The following HYDIN variants were observed in gnomAD, a reference collection of about 807,000 sequenced individuals.
The protein encoded by HYDIN is HYDIN axonemal central pair apparatus protein, also known as axonemal central pair apparatus protein HYDIN.
Under a neutral mutation model 403.9 loss-of-function variants are expected in HYDIN, and 132 were observed. The observed-to-expected ratio is 0.33, with a 90% confidence interval of 0.28 to 0.38. The LOEUF is 0.38. HYDIN is among the 10% of genes least tolerant of loss of function. The probability of loss-of-function intolerance (pLI) is 1.00; values close to 1 mark genes in which losing one functional copy is unlikely to be tolerated. For synonymous variants in HYDIN, 1,202 were observed against 1,891.7 expected, an observed-to-expected ratio of 0.64 and a Z score of 9.46; for missense variants, 2,827 against 5,009.5, an observed-to-expected ratio of 0.56 and a Z score of 13.15.
rs1239951263 is a variant in HYDIN, at chr16:70,803,732, G to A, written c.*3848C>T. On this transcript the variant is annotated 3_prime_UTR_variant, in exon 86 of 86. Coordinates refer to ENST00000393567, the MANE Select transcript of HYDIN (RefSeq NM_001270974.2). Reference sequence around the variant, plus strand: ...GAGTTTCAGGGCAACAGGGTTTAAGGTATTAGGTAGAGGTCTTGAAATGTA... The same window carrying A: ...GAGTTTCAGGGCAACAGGGTTTAAGATATTAGGTAGAGGTCTTGAAATGTA... Among the ~76,000 whole-genome samples, 5 of 152,176 alleles carry A rather than the reference G, an allele frequency of 3.3e-5. No individual in the cohort carries two copies. Among genetic ancestry groups the A allele is most frequent in the Non-Finnish European group, 7.3e-5 (5 of 68,030 alleles).
chr16:71,005,375 C>A (rs781618259), intron 23 of HYDIN, among the ~76,000 whole-genome samples: 113 of 152,050 alleles, frequency 7.4e-4, no homozygotes, highest in Non-Finnish European at 1.5e-3. Context: ...GGAATTAGTG[C>A]CCTTATAAGA....
At position 70,920,666 on chromosome 16, in the gene HYDIN, G is replaced by A. The variant is rs1393034040; in HGVS notation, c.7710C>T (p.Asp2570=). 23 of 1,613,746 alleles carry A rather than the reference G, an allele frequency of 1.4e-5. No individual in the cohort carries two copies. The highest frequency in any genetic ancestry group is 8.9e-5 in the East Asian group (4 of 44,888). Residue 2570 remains aspartate (D), a synonymous_variant, in exon 46 of 86, where the codon GAC becomes GAT. Transcript: ENST00000393567. ...AGCCTTCAAAGTCTGGTGTCTGGAT[G>A]TCTAGGAAGGGTACGCCCAGGTCCT... ...KEKDLGVPFL[D]IQTPDFEGLS... is the part of the protein sequence containing the mutation.
chr16:70,917,197 C>T (rs2076866624), intron 47 of HYDIN, among the ~76,000 whole-genome samples: 2 of 152,270 alleles, frequency 1.3e-5, no homozygotes, highest in Admixed American at 6.5e-5. Flanking sequence ...GTGGGGATTA[C>T]AGGCCTGAGC....
At chr16:71,115,357 C>G (rs1406090965) in intron 10 of HYDIN, among the ~76,000 whole-genome samples, 1 of 152,164 alleles carries the variant, frequency 6.6e-6, no homozygotes, top group African/African-American at 2.4e-5. Flanking sequence ...TGAGGTCTCC[C>G]CAGTCGTGCT....
Position 70,922,987 on chromosome 16 carries a change from T to C in HYDIN, c.7159-1770A>G, listed in dbSNP as rs1486848872. On this transcript the variant is annotated intron_variant, in intron 45 of 85. Transcript: ENST00000393567. ...TTTGCCATGTTGCCCAGGCTGGTCT[T>C]GAACCCCTGAGTTCAAGTGATCTGC... 8.5e-5 allele frequency among the ~76,000 whole-genome samples: 13 copies of C among 152,102 alleles called. No homozygotes were observed. The East Asian group carries it at 2.5e-3, about 30-fold the overall frequency.
In HYDIN at chr16:70,804,288, A is replaced by G. The variant is rs2035013930; in HGVS notation, c.*3292T>C. Among the ~76,000 whole-genome samples the G allele has an allele frequency of 6.6e-6, 1 of 152,226 alleles. No homozygotes were observed. The highest frequency in any genetic ancestry group is 2.1e-4 in the South Asian group (1 of 4,834). On this transcript the variant is annotated 3_prime_UTR_variant, in exon 86 of 86. Transcript: ENST00000393567. ...CTAGACTCAGTGGTGTTATAGGACC[A>G]ACACGTTTGTGTGCCCACTGTGCAG...
intron 27 of HYDIN, among the ~76,000 whole-genome samples, chr16:70,986,760 TAA>T: frequency 1.6e-5 from 2 of 128,278 alleles, no homozygotes; most frequent in Non-Finnish European, 3.2e-5. Context: ...AAGTAAAAGA[TAA>T]CCCTAGAAGG....
Position 71,069,344 on chromosome 16 carries a change from A to G in HYDIN, c.1897T>C (p.Ser633Pro), listed in dbSNP as rs1294170961. Reference sequence around the variant, plus strand: ...GTGAATTCTTTTGGTTTCATTGAGGATATTTCTTCCTTGGTCCAAGATGGT... The same window carrying G: ...GTGAATTCTTTTGGTTTCATTGAGGGTATTTCTTCCTTGGTCCAAGATGGT... ...KRPSWTKEEI[S>P]SMKPKEFTIS... is the part of the protein sequence containing the mutation. The change falls in exon 14 of 86, where the codon TCC becomes CCC. Residue 633 changes from serine (S) to proline (P), a missense_variant. Transcript: ENST00000393567. 12 of 1,613,898 alleles carry G rather than the reference A, an allele frequency of 7.4e-6. No individual in the cohort carries two copies. Among genetic ancestry groups the G allele is most frequent in the Non-Finnish European group, 7.6e-6 (9 of 1,180,008 alleles).
intron 23 of HYDIN, among the ~76,000 whole-genome samples, chr16:71,005,726 AG>A (rs1488203473): frequency 6.6e-6 from 1 of 151,174 alleles, no homozygotes; most frequent in Non-Finnish European, 1.5e-5. Context: ...CCTTGGAGGA[AG>A]CCCAGGAACT....
chr16:71,049,798 G>GATTTGTAAT (rs1169976609), intron 18 of HYDIN, among the ~76,000 whole-genome samples: 37 of 145,304 alleles, frequency 2.5e-4, no homozygotes, highest in African/African-American at 8.7e-4. Context: ...TACAAATCTT[G>GATTTGTAAT]GAATTGAAAA....
At chr16:71,094,761 C>T (rs1229031340) in intron 10 of HYDIN, among the ~76,000 whole-genome samples, 7 of 152,234 alleles carry the variant, frequency 4.6e-5, no homozygotes, top group African/African-American at 1.7e-4. Context: ...TGTCCCAGCT[C>T]TCAGAGACAA....
intron 14 of HYDIN, among the ~76,000 whole-genome samples, chr16:71,068,104 G>A (rs1360035796): frequency 6.7e-6 from 1 of 148,256 alleles, no homozygotes; most frequent in East Asian, 2.0e-4. Context: ...GGCTCTTGGG[G>A]GGCTCAGAAC....
In HYDIN at chr16:71,066,748, G is replaced by C. The variant is rs531514030; in HGVS notation, c.2075+542C>G. 857 of 382,304 alleles carry C rather than the reference G, an allele frequency of 2.2e-3. 5 individuals carry two copies. Among genetic ancestry groups the C allele is most frequent in the Middle Eastern group, 9.7e-3 (14 of 1,446 alleles). The allele number at this position is 382,304 out of a possible 1,614,324, so 23.7% of individuals were successfully genotyped here. A position where few individuals can be genotyped will look rare whatever the true frequency, so the allele number is the denominator to read the frequency against. Reference sequence around the variant, plus strand: ...TTAACCCAGCTGCCTCTCTCAAAAAGAGAGAGGAGTTGGAGATGGTTCTGA... The same window carrying C: ...TTAACCCAGCTGCCTCTCTCAAAAACAGAGAGGAGTTGGAGATGGTTCTGA... On this transcript the variant is annotated intron_variant, in intron 15 of 85. Transcript: ENST00000393567.
At chr16:71,117,575 G>A (rs532713795) in intron 9 of HYDIN, among the ~76,000 whole-genome samples, 47 of 152,146 alleles carry the variant, frequency 3.1e-4, no homozygotes, top group Non-Finnish European at 4.6e-4. Context: ...TATGATTTTT[G>A]TAAATAGGGC....
chr16:70,945,954 G>A (rs1220359717), intron 41 of HYDIN, among the ~76,000 whole-genome samples: 5 of 152,200 alleles, frequency 3.3e-5, no homozygotes, highest in Non-Finnish European at 7.3e-5. Flanking sequence ...AACAGCAGAG[G>A]AGGGGAGCTG....
intron 71 of HYDIN, among the ~76,000 whole-genome samples, chr16:70,859,284 G>C (rs2039251225): frequency 6.6e-6 from 1 of 151,986 alleles, no homozygotes; most frequent in African/African-American, 2.4e-5. Context: ...CTGGGGGACA[G>C]AGCAAGACTC....
intron 83 of HYDIN, among the ~76,000 whole-genome samples, chr16:70,820,187 CTTT>C (rs57769826): frequency 1.1e-5 from 1 of 91,834 alleles, no homozygotes; most frequent in Admixed American, 1.3e-4. Flanking sequence ...TTTCTTTTTT[CTTT>C]TTTTTTTTTT....
At chr16:70,905,639 A>G (rs9932155) in intron 50 of HYDIN, among the ~76,000 whole-genome samples, 97 of 145,850 alleles carry the variant, frequency 6.7e-4, no homozygotes, top group Middle Eastern at 3.4e-3. Flanking sequence ...TCTTAAAAAA[A>G]AAAAAAAAAA....
At chr16:70,972,587 A>C (rs1249609502) in intron 35 of HYDIN, among the ~76,000 whole-genome samples, 2 of 146,256 alleles carry the variant, frequency 1.4e-5, no homozygotes, top group Admixed American at 1.3e-4. Flanking sequence ...GTTAATAGTT[A>C]TTGAGAGATT....
Sources: gnomAD v4.1 joint callset for allele counts (sites outside exome capture counted in the v4.1 genomes callset) on GRCh38, gnomAD v4.1.1 for gene constraint, MANE v1.5 for transcripts, NCBI Gene and HGNC (gene_info 2026-07-23, HGNC 2026-07-21) for gene names.